Variants in CSMD1 observed in about 807,000 individuals in gnomAD.
The protein encoded by CSMD1 is CUB and sushi domain-containing protein 1.
CSMD1 carries 213 observed loss-of-function variants against 417.5 expected under a neutral mutation model. The ratio of observed to expected loss-of-function variants is 0.51; its 90% confidence interval spans 0.46 to 0.57. CSMD1 has a LOEUF of 0.57. Among genes scored for constraint, CSMD1 ranks in the 20% least tolerant of loss-of-function variants. The probability of loss-of-function intolerance (pLI) is 0.00; values close to 1 mark genes in which losing one functional copy is unlikely to be tolerated. For synonymous variants in CSMD1, 2,862 were observed against 1,736.8 expected, an observed-to-expected ratio of 1.65 and a Z score of -16.11; for missense variants, 6,923 against 4,529.7, an observed-to-expected ratio of 1.53 and a Z score of -15.17.
chr8:4,915,428 G>A (rs940705825), intron 1 of CSMD1, among the ~76,000 whole-genome samples: 1 of 152,188 alleles, frequency 6.6e-6, no homozygotes, highest in African/African-American at 2.4e-5. Context: ...GTGTTGTCGA[G>A]TATAGATTGG....
At chr8:3,902,325 G>A (rs928134089) in intron 5 of CSMD1, among the ~76,000 whole-genome samples, 9 of 152,116 alleles carry the variant, frequency 5.9e-5, no homozygotes, top group African/African-American at 1.7e-4. Flanking sequence ...TACCCAGTAA[G>A]GAGTTTTTTG....
intron 3 of CSMD1, among the ~76,000 whole-genome samples, chr8:4,194,831 AG>A (rs1799236559): frequency 6.6e-6 from 1 of 152,018 alleles, no homozygotes; most frequent in Non-Finnish European, 1.5e-5. Context: ...GAAAAAAAAA[AG>A]TTTGTTTCAG....
At chr8:4,253,381 T>TC (rs1474051411) in intron 3 of CSMD1, among the ~76,000 whole-genome samples, 2 of 152,042 alleles carry the variant, frequency 1.3e-5, no homozygotes, top group East Asian at 3.9e-4. Context: ...TGCATTTTTT[T>TC]CATTGAGTCC....
intron 3 of CSMD1, among the ~76,000 whole-genome samples, chr8:4,169,561 C>T (rs1797648235): frequency 6.6e-6 from 1 of 152,264 alleles, no homozygotes; most frequent in South Asian, 2.1e-4. Context: ...TTACTTTTCT[C>T]ATATTTTGCT....
At chr8:3,797,703 T>C (rs1800236321) in intron 5 of CSMD1, among the ~76,000 whole-genome samples, 1 of 151,982 alleles carries the variant, frequency 6.6e-6, no homozygotes, top group Non-Finnish European at 1.5e-5. Flanking sequence ...TTTTGGCTAA[T>C]ACAAACAAAG....
At chr8:3,470,378 T>A (rs911646795) in intron 11 of CSMD1, among the ~76,000 whole-genome samples, 3 of 152,216 alleles carry the variant, frequency 2.0e-5, no homozygotes, top group African/African-American at 7.2e-5. Flanking sequence ...TGGATACACA[T>A]GTGGTAGGTA....
rs139651182 is a variant in CSMD1, at chr8:4,520,143, G to T, written c.303-100078C>A. Among the ~76,000 whole-genome samples the T allele has an allele frequency of 2.4e-4, 36 of 152,250 alleles. 2 individuals carry two copies. The East Asian group carries it at 6.7e-3, about 29-fold the overall frequency. ...TACATTCATCTGAAAGAGCAAAGTG[G>T]TAGAGCTAAAATCAGTAAGCTTGGC... is the stretch of plus-strand genomic sequence containing the variant. On this transcript the variant is annotated intron_variant, in intron 2 of 69. Transcript: ENST00000635120.
chr8:4,435,220 T>A (rs1158940664), intron 2 of CSMD1, among the ~76,000 whole-genome samples: 1 of 152,188 alleles, frequency 6.6e-6, no homozygotes, highest in Non-Finnish European at 1.5e-5. Flanking sequence ...AATCTGATCT[T>A]TGGAAAATTA....
Position 3,324,426 on chromosome 8 carries a change from A to G in CSMD1, c.3632-15923T>C, listed in dbSNP as rs748674833. ...TTGGTCACTGTTAAAATAGGCCCAC[A>G]CCTAATCCTCAGAGACCCAGGAGTG... On this transcript the variant is annotated intron_variant, in intron 23 of 69. Transcript: ENST00000635120. Among the ~76,000 whole-genome samples, 5 of 129,520 alleles carry G rather than the reference A, an allele frequency of 3.9e-5. No homozygotes were observed. The Admixed American group carries it at 4.0e-4, about 10-fold the overall frequency. The allele number at this position is 129,520 out of a possible 152,430, so 85.0% of individuals were successfully genotyped here.
chr8:3,541,345 G>T (rs527467427), intron 10 of CSMD1, among the ~76,000 whole-genome samples: 1 of 152,086 alleles, frequency 6.6e-6, no homozygotes, highest in Non-Finnish European at 1.5e-5. Flanking sequence ...ATGGACACAG[G>T]GAAAGGAACA....
intron 7 of CSMD1, among the ~76,000 whole-genome samples, chr8:3,643,268 G>A (rs779950400): frequency 6.6e-6 from 1 of 151,992 alleles, no homozygotes; most frequent in Non-Finnish European, 1.5e-5. Context: ...GATTCCAAAA[G>A]TAGCCAAAGA....
intron 23 of CSMD1, among the ~76,000 whole-genome samples, chr8:3,338,890 T>G (rs534784382): frequency 6.6e-6 from 1 of 151,722 alleles, no homozygotes; most frequent in East Asian, 1.9e-4. Context: ...ATTGTGCAGG[T>G]TAGTTACATA....
chr8:3,093,664 G>A (rs1815105534), intron 47 of CSMD1, among the ~76,000 whole-genome samples: 1 of 150,804 alleles, frequency 6.6e-6, no homozygotes. Context: ...GCAAAATTCT[G>A]TCTCAAAAAA....
At chr8:3,457,935 G>T (rs1167604259) in intron 12 of CSMD1, among the ~76,000 whole-genome samples, 1 of 152,124 alleles carries the variant, frequency 6.6e-6, no homozygotes, top group Non-Finnish European at 1.5e-5. Flanking sequence ...AAAATAGGAA[G>T]CTCATTCCAA....
chr8:4,472,265 G>A (rs1053838482), intron 2 of CSMD1, among the ~76,000 whole-genome samples: 7 of 152,050 alleles, frequency 4.6e-5, no homozygotes, highest in African/African-American at 1.4e-4. Context: ...AGCCTCAGAT[G>A]CAGTCTCTTC....
chr8:3,316,367 G>C (rs560189397), intron 23 of CSMD1, among the ~76,000 whole-genome samples: 58 of 152,282 alleles, frequency 3.8e-4, no homozygotes, highest in African/African-American at 1.2e-3. Flanking sequence ...TTGGGGCATG[G>C]TGGGAAGAGT....
At chr8:4,559,428 C>G (rs1397527837) in intron 2 of CSMD1, among the ~76,000 whole-genome samples, 1 of 152,018 alleles carries the variant, frequency 6.6e-6, no homozygotes, top group Non-Finnish European at 1.5e-5. Flanking sequence ...CATTTGGAGG[C>G]TTTATGAATA....
chr8:4,746,117 T>A (rs182730149), intron 1 of CSMD1, among the ~76,000 whole-genome samples: 4 of 152,346 alleles, frequency 2.6e-5, no homozygotes, highest in African/African-American at 9.6e-5. Context: ...CTCCTCCTGC[T>A]GTTAAATTAA....
intron 26 of CSMD1, among the ~76,000 whole-genome samples, chr8:3,261,319 A>G (rs1801044209): frequency 1.3e-5 from 2 of 152,316 alleles, no homozygotes; most frequent in Non-Finnish European, 2.9e-5. Context: ...GTTAAAAGCA[A>G]AACATTCAAT....
Sources: allele counts gnomAD v4.1 joint callset (sites outside exome capture counted in the v4.1 genomes callset), GRCh38; gene constraint gnomAD v4.1.1; transcripts MANE v1.5; gene names NCBI Gene and HGNC (gene_info 2026-07-23, HGNC 2026-07-21).